The following SLC26A3 variants were observed in gnomAD, a reference collection of about 807,000 sequenced individuals.
SLC26A3 encodes the protein solute carrier family 26 member 3, also known as chloride anion exchanger.
Under a neutral mutation model 85.6 loss-of-function variants are expected in SLC26A3, and 64 were observed. The ratio of observed to expected loss-of-function variants is 0.75; its 90% CI spans 0.61 to 0.92. The LOEUF is 0.92. Ranked by LOEUF, SLC26A3 falls within the 40% of genes least tolerant of loss-of-function variation. The pLI is 0.00. For synonymous variants in SLC26A3, 349 were observed against 336.0 expected (o/e 1.04, Z -0.42); for missense variants, 922 against 927.3 (o/e 0.99, Z 0.07).
At position 107,789,574 on chromosome 7, in the gene SLC26A3, T is replaced by A. The variant is rs762953026; in HGVS notation, c.685A>T (p.Ile229Phe). The A allele has an allele frequency of 8.1e-6, 13 of 1,613,998 alleles. No individual in the cohort carries two copies. In the South Asian group the frequency reaches 1.4e-4, roughly 18 times the overall value. The change falls in exon 6 of 21, where the codon ATT (isoleucine) becomes TTT (phenylalanine). Residue 229 changes from isoleucine (I) to phenylalanine (F), a missense_variant. Coordinates refer to ENST00000340010, the MANE Select transcript of SLC26A3 (RefSeq NM_000111.3). ...TGTGACGGGACTGTCAACTGAAAAA[T>A]GAATTTGAGTTGGGAAACCAAAACA... ...VHVLVSQLKF[I>F]FQLTVPSHTD...
chr7:107,793,620 G>A (rs531822845), intron 3 of SLC26A3, 122 bp downstream of exon 3: 14 of 743,152 alleles, frequency 1.9e-5, no homozygotes, highest in Non-Finnish European at 2.7e-5. Context: ...TGGTGAAAAT[G>A]TTCCAGAATT....
At chr7:107,777,154 G>A (rs1794130569) in intron 13 of SLC26A3, among the ~76,000 whole-genome samples, 1 of 152,194 alleles carries the variant, frequency 6.6e-6, no homozygotes, top group Non-Finnish European at 1.5e-5. Context: ...CAATATGGAT[G>A]TATTCCATCA....
chr7:107,765,965 G>A, intron 20 of SLC26A3, 87 bp from the exon 21 acceptor site: 1 of 1,128,844 alleles, frequency 8.9e-7, no homozygotes, highest in Non-Finnish European at 1.3e-6. Context: ...ATTTACCAGA[G>A]TTAACAGGTT....
intron 12 of SLC26A3, 80 bp from the exon 13 acceptor site, chr7:107,778,361 T>A (rs1420412808): frequency 3.0e-6 from 1 of 330,640 alleles, no homozygotes. Flanking sequence ...TTAAAAAGAC[T>A]TTTTTTTTTT....
intron 3 of SLC26A3, among the ~76,000 whole-genome samples, chr7:107,793,123 C>G (rs1794430460): frequency 6.6e-6 from 1 of 152,154 alleles, no homozygotes; most frequent in Non-Finnish European, 1.5e-5. Context: ...TCTGAACCCT[C>G]ATACACTGCT....
At chr7:107,787,046 G>T in intron 7 of SLC26A3, 137 bp from the exon 8 acceptor site, 1 of 816,196 alleles carries the variant, frequency 1.2e-6, no homozygotes, top group Non-Finnish European at 2.1e-6. Flanking sequence ...TACTTTTTAA[G>T]AAATTCGGAG....
chr7:107,785,485 T>C (rs763815584), intron 8 of SLC26A3, among the ~76,000 whole-genome samples: 25 of 152,224 alleles, frequency 1.6e-4, no homozygotes, highest in Non-Finnish European at 2.6e-4. Context: ...AAGGTGTAAC[T>C]CAGTGATCTT....
At chr7:107,787,586 A>G in intron 6 of SLC26A3, 77 bp from the exon 7 acceptor site, 27 of 1,275,974 alleles carry the variant, frequency 2.1e-5, no homozygotes, top group Non-Finnish European at 3.0e-5. Context: ...CCAAACAAAT[A>G]AAAATAAACA....
intron 11 of SLC26A3, among the ~76,000 whole-genome samples, chr7:107,781,610 T>C (rs1270469663): frequency 6.6e-6 from 1 of 152,208 alleles, no homozygotes; most frequent in African/African-American, 2.4e-5. Context: ...TGGTGACTTT[T>C]TCATTCCTTT....
At chr7:107,779,840 A>G in intron 11 of SLC26A3, 77 bp from the exon 12 acceptor site, 8 of 1,228,262 alleles carry the variant, frequency 6.5e-6, no homozygotes, top group Middle Eastern at 1.9e-4. Flanking sequence ...AAGGCTATAG[A>G]TAAGTGTGTG....
chr7:107,772,272 G>C (rs553626853), intron 17 of SLC26A3, among the ~76,000 whole-genome samples, 164 bp from the exon 18 acceptor site: 6 of 152,070 alleles, frequency 3.9e-5, no homozygotes, highest in Non-Finnish European at 5.9e-5. Flanking sequence ...TAAAAACAAG[G>C]CTCTGTGACA....
At chr7:107,801,848 G>A (rs1018528350) in intron 1 of SLC26A3, among the ~76,000 whole-genome samples, 6 of 151,650 alleles carry the variant, frequency 4.0e-5, no homozygotes, top group African/African-American at 1.2e-4. Context: ...GGGAGACTGA[G>A]GTGGGAGGAT....
At chr7:107,781,873 C>T (rs1226393357) in intron 11 of SLC26A3, among the ~76,000 whole-genome samples, 2 of 152,092 alleles carry the variant, frequency 1.3e-5, no homozygotes, top group African/African-American at 2.4e-5. Flanking sequence ...GAGTGTAATA[C>T]AATGTAGAAT....
intron 11 of SLC26A3, among the ~76,000 whole-genome samples, chr7:107,781,413 A>T (rs1244124603): frequency 6.6e-6 from 1 of 152,190 alleles, no homozygotes; most frequent in Non-Finnish European, 1.5e-5. Context: ...GACCCTTTAT[A>T]AAAGGGGCTT....
At chr7:107,770,040 T>C (rs1332761695) in intron 18 of SLC26A3, among the ~76,000 whole-genome samples, 1 of 135,132 alleles carries the variant, frequency 7.4e-6, no homozygotes, top group African/African-American at 3.1e-5. Flanking sequence ...CTTTCTTTCT[T>C]TCTTTCTTTC....
chr7:107,785,811 A>T (rs1794284850), intron 8 of SLC26A3, among the ~76,000 whole-genome samples: 1 of 152,030 alleles, frequency 6.6e-6, no homozygotes, highest in African/African-American at 2.4e-5. Context: ...TGGCTGTTTT[A>T]AAGTAAAAAA....
chr7:107,771,549 G>T (rs1291435817), intron 18 of SLC26A3, among the ~76,000 whole-genome samples: 1 of 152,114 alleles, frequency 6.6e-6, no homozygotes, highest in African/African-American at 2.4e-5. Flanking sequence ...GAACTGTCCT[G>T]CCAGAGTCAG....
chr7:107,790,310 G>A (rs535260456), intron 5 of SLC26A3, among the ~76,000 whole-genome samples: 1 of 152,266 alleles, frequency 6.6e-6, no homozygotes, highest in Non-Finnish European at 1.5e-5. Context: ...CCAGAACGCA[G>A]CCAGAGCTGT....
chr7:107,794,429 C>T lies in SLC26A3; in HGVS notation c.81G>A (p.Lys27=), dbSNP rs769888729. 1 of 1,614,008 alleles carries T rather than the reference C, an allele frequency of 6.2e-7. No individual in the cohort carries two copies. Among genetic ancestry groups the T allele is most frequent in the African/African-American group, 1.3e-5 (1 of 75,044 alleles). ...GAAATGTCTTATGATGTCTTCCTGT[C>T]TTTTTATGATTTTCCTCAAAAGCAT... The part of the protein sequence containing the change: ...STNAFEENHK[K]TGRHHKTFLD... The change falls in exon 2 of 21, where the codon AAG becomes AAA. Residue 27 remains lysine (K), a synonymous_variant. Coordinates refer to ENST00000340010, the MANE Select transcript of SLC26A3 (RefSeq NM_000111.3).
Sources: allele counts gnomAD v4.1 joint callset (sites outside exome capture counted in the v4.1 genomes callset), GRCh38; gene constraint gnomAD v4.1.1; transcripts MANE v1.5; gene names NCBI Gene and HGNC (gene_info 2026-07-23, HGNC 2026-07-21).